The following FBXL20 variants were observed in gnomAD, a reference collection of about 807,000 sequenced individuals.
FBXL20 encodes F-box and leucine rich repeat protein 20, also known as F-box/LRR-repeat protein 20.
In FBXL20, 11 loss-of-function variants were observed where a neutral mutation model predicts 64.0. That is an observed-to-expected ratio of 0.17 (90% CI 0.11 to 0.28). The LOEUF (loss-of-function observed/expected upper bound fraction) is 0.28, where lower values mean the gene tolerates loss of function less well. Among genes scored for constraint, FBXL20 ranks in the 10% least tolerant of loss-of-function variants. The pLI is 1.00. For missense variants in FBXL20, 303 were observed against 526.2 expected, an observed-to-expected ratio of 0.58 and a Z score of 4.15; for synonymous variants, 184 against 189.0, an observed-to-expected ratio of 0.97 and a Z score of 0.22.
chr17:39,316,880 G>A (rs368809182), intron 2 of FBXL20, among the ~76,000 whole-genome samples: 5 of 152,302 alleles, frequency 3.3e-5, no homozygotes, highest in African/African-American at 7.2e-5. Context: ...TCCCAGCTAC[G>A]CAGGAGGCTG....
At chr17:39,291,167 T>A (rs2047034931) in intron 6 of FBXL20, among the ~76,000 whole-genome samples, 1 of 151,844 alleles carries the variant, frequency 6.6e-6, no homozygotes, top group Admixed American at 6.6e-5. Flanking sequence ...TTCACCATGT[T>A]AGCCAGGATG....
At chr17:39,281,314 G>T in intron 9 of FBXL20, 75 bp downstream of exon 9, 2 of 1,314,040 alleles carry the variant, frequency 1.5e-6, no homozygotes, top group Non-Finnish European at 2.2e-6. Context: ...GATGACTGAA[G>T]CTCTTAAAAT....
At position 39,315,393 on chromosome 17, in the gene FBXL20, T is replaced by TTATATATATATATATATATA. The variant is rs59563317; in HGVS notation, c.105-11774_105-11755dup. ...TATTAATGGGCAAAGTTTAAATAAT[T>TTATATATATATATATATATA]TATATATATATATATATATAGTACA... On this transcript the variant is annotated intron_variant, in intron 2 of 14. Transcript: ENST00000264658. Among the ~76,000 whole-genome samples, 1,303 of 134,212 alleles carry TTATATATATATATATATATA rather than the reference T, an allele frequency of 9.7e-3. 15 individuals carry two copies. Among genetic ancestry groups the TTATATATATATATATATATA allele is most frequent in the Non-Finnish European group, 0.013 (823 of 63,246 alleles). The allele number at this position is 134,212 out of a possible 152,430, so 88.0% of individuals were successfully genotyped here.
intron 1 of FBXL20, among the ~76,000 whole-genome samples, chr17:39,395,984 TC>T (rs1396359601): frequency 1.4e-5 from 2 of 146,050 alleles, no homozygotes; most frequent in African/African-American, 5.1e-5. Flanking sequence ...AGAACCACAG[TC>T]ATTCAAAGCC....
chr17:39,344,408 A>C (rs2047612673), intron 1 of FBXL20, among the ~76,000 whole-genome samples: 1 of 152,084 alleles, frequency 6.6e-6, no homozygotes, highest in South Asian at 2.1e-4. Context: ...TGACTATTTT[A>C]ATATGCCATT....
At chr17:39,295,806 T>TATATATATA (rs202244214) in intron 6 of FBXL20, among the ~76,000 whole-genome samples, 7 of 149,378 alleles carry the variant, frequency 4.7e-5, no homozygotes, top group Non-Finnish European at 8.9e-5. Context: ...TATATATATA[T>TATATATATA]TAAGTCTTCT....
intron 10 of FBXL20, among the ~76,000 whole-genome samples, chr17:39,272,038 C>T (rs1052888615): frequency 1.3e-5 from 2 of 152,052 alleles, no homozygotes; most frequent in African/African-American, 2.4e-5. Context: ...CACTTGAGCT[C>T]AGGAGTTCAA....
intron 1 of FBXL20, among the ~76,000 whole-genome samples, chr17:39,381,160 CAA>C (rs71300073): frequency 7.7e-6 from 1 of 130,056 alleles, no homozygotes; most frequent in African/African-American, 2.8e-5. Flanking sequence ...AACTCCGTCT[CAA>C]AAAAAAAAAA....
intron 1 of FBXL20, among the ~76,000 whole-genome samples, chr17:39,361,513 T>C (rs561868016): frequency 6.6e-6 from 1 of 152,194 alleles, no homozygotes; most frequent in East Asian, 1.9e-4. Flanking sequence ...AAGAAATGTT[T>C]TTGGTCAGGC....
At position 39,299,078 on chromosome 17, in the gene FBXL20, C is replaced by T; in HGVS notation, c.241G>A (p.Val81Ile). 1 of 1,610,582 alleles carries T rather than the reference C, an allele frequency of 6.2e-7. No homozygotes were observed. Among genetic ancestry groups the T allele is most frequent in the Non-Finnish European group, 8.5e-7 (1 of 1,178,764 alleles). ...FDFQRDIEGR[V>I]VENISKRCGG... is the part of the protein sequence containing the mutation. ...CATCGTTTTGAAATATTCTCCACTA[C>T]TCGGCCCTGTAAAATGAGACAGGCA... The change falls in exon 5 of 15, where the codon GTA (valine) becomes ATA (isoleucine). Residue 81 changes from valine to isoleucine, a missense_variant. Physicochemically the swap from Val to Ile is conservative, Grantham distance 29. This residue lies in a region of FBXL20 where 246 missense variants were observed against 422.6 expected (regional missense o/e 0.58). Coordinates refer to ENST00000264658, the MANE Select transcript of FBXL20 (RefSeq NM_032875.3).
At chr17:39,369,383 G>A (rs982418720) in intron 1 of FBXL20, among the ~76,000 whole-genome samples, 19 of 150,208 alleles carry the variant, frequency 1.3e-4, no homozygotes, top group Admixed American at 1.1e-3. Context: ...TCAGCCTCCT[G>A]AGCAGCTGGG....
chr17:39,297,082 A>C (rs1427534686), intron 6 of FBXL20, 45 bp downstream of exon 6: 1 of 1,372,166 alleles, frequency 7.3e-7, no homozygotes, highest in Non-Finnish European at 1.0e-6. Flanking sequence ...TATCAGCCAG[A>C]CATAAGGGGT....
chr17:39,357,461 TTC>T (rs972444738), intron 1 of FBXL20, among the ~76,000 whole-genome samples: 38 of 152,274 alleles, frequency 2.5e-4, no homozygotes, highest in African/African-American at 9.1e-4. Context: ...TCTGTATGTT[TTC>T]TCTGTCTCAT....
rs2047890041 is a variant in FBXL20, at chr17:39,369,139, A to G, written c.43-25898T>C. Reference sequence around the variant, plus strand: ...CATGTTTAACCAAAAGTACTATGCAATAGTTTTAGAAGTACTGGATAAAAA... The same window carrying G: ...CATGTTTAACCAAAAGTACTATGCAGTAGTTTTAGAAGTACTGGATAAAAA... On this transcript the variant is annotated intron_variant, in intron 1 of 14. Transcript: ENST00000264658. Among the ~76,000 whole-genome samples, 5 of 152,240 alleles carry G rather than the reference A, an allele frequency of 3.3e-5. No individual in the cohort carries two copies. The South Asian group carries it at 1.0e-3, about 32-fold the overall frequency.
intron 2 of FBXL20, among the ~76,000 whole-genome samples, chr17:39,328,701 T>A (rs2047432945): frequency 6.6e-6 from 1 of 152,174 alleles, no homozygotes; most frequent in Admixed American, 6.5e-5. Context: ...GCAATAGTAA[T>A]AACTGTTTCA....
chr17:39,270,514 A>T (rs947187378), intron 11 of FBXL20, among the ~76,000 whole-genome samples: 5 of 152,172 alleles, frequency 3.3e-5, no homozygotes, highest in African/African-American at 1.2e-4. Flanking sequence ...ACTGCACTCC[A>T]GCCTGGGTGA....
intron 1 of FBXL20, among the ~76,000 whole-genome samples, chr17:39,368,435 T>C (rs887951162): frequency 2.6e-5 from 4 of 152,086 alleles, no homozygotes; most frequent in African/African-American, 9.7e-5. Context: ...GAAAGACATT[T>C]CACCACTACC....
Position 39,264,234 on chromosome 17 carries a change from C to G in FBXL20, c.1144G>C (p.Glu382Gln), listed in dbSNP as rs1453285760. The G allele has an allele frequency of 2.5e-6, 4 of 1,614,106 alleles. No individual in the cohort carries two copies. Among genetic ancestry groups the G allele is most frequent in the Admixed American group, 1.7e-5 (1 of 60,002 alleles). The change falls in exon 14 of 15, where the codon GAG becomes CAG. Residue 382 changes from glutamate to glutamine, a missense_variant. Around this residue, in one of 3 missense-constraint regions of FBXL20, gnomAD observed 56 missense variants for 86.0 expected, o/e 0.65. Coordinates refer to ENST00000264658, the MANE Select transcript of FBXL20 (RefSeq NM_032875.3). ...LEHLKSCHSL[E>Q]RIELYDCQQI... Reference sequence around the variant, plus strand: ...TGGCAGTCATAGAGTTCTATCCGCTCAAGGCTATGACAGCTCTTCAAGTGC... The same window carrying G: ...TGGCAGTCATAGAGTTCTATCCGCTGAAGGCTATGACAGCTCTTCAAGTGC...
In FBXL20 at chr17:39,314,279, G is replaced by A. The variant is rs923429271; in HGVS notation, c.105-10640C>T. 8.6e-5 allele frequency among the ~76,000 whole-genome samples: 13 copies of A among 152,040 alleles called. No individual in the cohort carries two copies. In the East Asian group the frequency reaches 9.6e-4, roughly 11 times the overall value. ...TTCATACTTCATTCCTTTTTATGGC[G>A]GAATAATATCCTACTGTATCCATTC... On this transcript the variant is annotated intron_variant, in intron 2 of 14. Coordinates refer to ENST00000264658, the MANE Select transcript of FBXL20 (RefSeq NM_032875.3).
Sources: gnomAD v4.1 joint callset for allele counts (sites outside exome capture counted in the v4.1 genomes callset) on GRCh38, gnomAD v4.1.1 for gene constraint, gnomAD v4.1.1 regional missense constraint, MANE v1.5 for transcripts, NCBI Gene and HGNC (gene_info 2026-07-23, HGNC 2026-07-21) for gene names.